The following ZBTB20 variants were observed in gnomAD, a reference collection of about 807,000 sequenced individuals.
ZBTB20 encodes the protein zinc finger and BTB domain-containing protein 20.
Under a neutral mutation model 56.9 loss-of-function variants are expected in ZBTB20, and 9 were observed. That is an observed-to-expected ratio of 0.16 (90% CI 0.10 to 0.28). ZBTB20 has a LOEUF of 0.28. ZBTB20 is among the 10% of genes least tolerant of loss of function. The pLI is 1.00. For missense variants in ZBTB20, 655 were observed against 1,003.0 expected, an observed-to-expected ratio of 0.65 and a Z score of 4.69; for synonymous variants, 417 against 420.7, an observed-to-expected ratio of 0.99 and a Z score of 0.11.
At chr3:114,443,853 G>C (rs898720388) in intron 7 of ZBTB20, among the ~76,000 whole-genome samples, 8 of 152,178 alleles carry the variant, frequency 5.3e-5, no homozygotes, top group African/African-American at 1.9e-4. Context: ...TCTCTTTACA[G>C]ACGTGGAACG....
chr3:114,370,286 A>G (rs1249290826), intron 10 of ZBTB20, among the ~76,000 whole-genome samples: 3 of 152,182 alleles, frequency 2.0e-5, no homozygotes, highest in Admixed American at 2.0e-4. Flanking sequence ...TTCTTTTTAA[A>G]ACATTAAACT....
Position 114,372,542 on chromosome 3 carries a change from T to C in ZBTB20, c.199+7675A>G, listed in dbSNP as rs549205365. Among the ~76,000 whole-genome samples, 15 of 152,298 alleles carry C rather than the reference T, an allele frequency of 9.8e-5. No individual in the cohort carries two copies. The South Asian group carries it at 3.1e-3, about 32-fold the overall frequency. The stretch of plus-strand genomic sequence containing the variant: ...ATGAACTTTTCTCAACAATTAGTTA[T>C]TCTGAGCCAGGTGTGGTGGCTCATG... On this transcript the variant is annotated intron_variant, in intron 10 of 11. Coordinates refer to ENST00000675478, the MANE Select transcript of ZBTB20 (RefSeq NM_001348800.3).
At chr3:114,702,870 A>C (rs1056559971) in intron 5 of ZBTB20, among the ~76,000 whole-genome samples, 1 of 152,190 alleles carries the variant, frequency 6.6e-6, no homozygotes, top group African/African-American at 2.4e-5. Flanking sequence ...TGTAGTCTGA[A>C]ACACTGTAGA....
intron 5 of ZBTB20, among the ~76,000 whole-genome samples, chr3:114,772,385 G>T (rs1037560254): frequency 1.8e-4 from 27 of 151,914 alleles, no homozygotes; most frequent in Non-Finnish European, 3.2e-4. Context: ...TCTCATTTCT[G>T]ATTCACTTGA....
intron 2 of ZBTB20, among the ~76,000 whole-genome samples, chr3:114,999,819 T>G (rs899634509): frequency 6.6e-6 from 1 of 151,670 alleles, no homozygotes; most frequent in Admixed American, 6.6e-5. Context: ...AGCCAAATAT[T>G]TGGAGATATT....
chr3:115,133,212 A>T (rs1235091477), intron 1 of ZBTB20, among the ~76,000 whole-genome samples: 1 of 152,136 alleles, frequency 6.6e-6, no homozygotes, highest in Non-Finnish European at 1.5e-5. Context: ...TCTTAGGTCA[A>T]TTTTTATCAT....
chr3:115,130,152 C>A (rs2084462613), intron 1 of ZBTB20, among the ~76,000 whole-genome samples: 1 of 152,080 alleles, frequency 6.6e-6, no homozygotes, highest in Non-Finnish European at 1.5e-5. Context: ...TCCTGAGATA[C>A]AAAAGTCAAG....
intron 7 of ZBTB20, among the ~76,000 whole-genome samples, chr3:114,475,108 T>C (rs971579928): frequency 2.6e-5 from 4 of 152,216 alleles, no homozygotes; most frequent in African/African-American, 2.4e-5. Flanking sequence ...CCACTACTTA[T>C]CTTCACACAT....
chr3:114,359,102 T>C (rs530496128), intron 10 of ZBTB20, among the ~76,000 whole-genome samples: 2 of 152,262 alleles, frequency 1.3e-5, no homozygotes, highest in East Asian at 1.9e-4. Context: ...TGTAGTTATA[T>C]AGAAATACAT....
At chr3:114,706,591 A>G (rs1007400511) in intron 5 of ZBTB20, among the ~76,000 whole-genome samples, 1 of 152,170 alleles carries the variant, frequency 6.6e-6, no homozygotes, top group Non-Finnish European at 1.5e-5. Flanking sequence ...CATCCTCCAA[A>G]TCAGTAATAA....
chr3:115,097,528 A>T (rs1181438477), intron 1 of ZBTB20, among the ~76,000 whole-genome samples: 2 of 152,110 alleles, frequency 1.3e-5, no homozygotes, highest in African/African-American at 2.4e-5. Flanking sequence ...ACACACGTTA[A>T]AAAGCACACA....
intron 6 of ZBTB20, among the ~76,000 whole-genome samples, chr3:114,512,414 G>T (rs1261223607): frequency 1.3e-5 from 2 of 152,004 alleles, no homozygotes; most frequent in African/African-American, 4.8e-5. Context: ...TGCCCTCAAG[G>T]ACCTTCCACT....
chr3:114,901,672 A>G (rs1192783626), intron 3 of ZBTB20, among the ~76,000 whole-genome samples: 2 of 152,174 alleles, frequency 1.3e-5, no homozygotes, highest in Admixed American at 6.5e-5. Flanking sequence ...GCACATCTAT[A>G]TAAAGGAATA....
At chr3:114,422,477 A>C (rs1217927047) in intron 7 of ZBTB20, among the ~76,000 whole-genome samples, 1 of 152,198 alleles carries the variant, frequency 6.6e-6, no homozygotes, top group Non-Finnish European at 1.5e-5. Context: ...AATTCAGCTG[A>C]TAAGATTGTA....
chr3:114,536,504 G>GA (rs1491101072), intron 6 of ZBTB20, among the ~76,000 whole-genome samples: 1 of 152,206 alleles, frequency 6.6e-6, no homozygotes, highest in East Asian at 1.9e-4. Context: ...CAAACAAATG[G>GA]AAAAACATTC....
In ZBTB20 at chr3:114,397,325, A is replaced by G. The variant is rs560694852; in HGVS notation, c.-254-8220T>C. Among the ~76,000 whole-genome samples, 3 of 116,622 alleles carry G rather than the reference A, an allele frequency of 2.6e-5. No individual in the cohort carries two copies. In the South Asian group the frequency reaches 7.8e-4, roughly 30 times the overall value. 76.5% of individuals were successfully genotyped at this position (116,622 alleles called of 152,430 possible). ...CATTCTCTTTTTCAGTTGATGAGCT[A>G]GCATCCTAGTTTAATAAAAGGATCT... On this transcript the variant is annotated intron_variant, in intron 7 of 11. Coordinates refer to ENST00000675478, the MANE Select transcript of ZBTB20 (RefSeq NM_001348800.3).
At chr3:114,533,153 C>G (rs1035197582) in intron 6 of ZBTB20, among the ~76,000 whole-genome samples, 1 of 152,068 alleles carries the variant, frequency 6.6e-6, no homozygotes, top group Non-Finnish European at 1.5e-5. Context: ...GAGGAATTGA[C>G]AGAAGTAGGC....
chr3:115,036,819 A>C lies in ZBTB20; in HGVS notation c.-507+34400T>G, dbSNP rs189985479. Among the ~76,000 whole-genome samples the C allele has an allele frequency of 4.1e-3, 622 of 152,162 alleles. 4 individuals carry two copies. The highest frequency in any genetic ancestry group is 0.014 in the African/African-American group (590 of 41,506). On this transcript the variant is annotated intron_variant, in intron 2 of 11. Transcript: ENST00000675478. ...AAGAGATAGCATTAACCTTTTTTCTAATTTGGCCCTGAGACTGAAAAATAT... is the reference window on the plus strand; with the variant it reads ...AAGAGATAGCATTAACCTTTTTTCTCATTTGGCCCTGAGACTGAAAAATAT...
chr3:114,763,549 A>T (rs1408376475), intron 5 of ZBTB20, among the ~76,000 whole-genome samples: 1 of 152,216 alleles, frequency 6.6e-6, no homozygotes, highest in Non-Finnish European at 1.5e-5. Flanking sequence ...TTAAATTGTT[A>T]GAATGACACT....
Sources: gnomAD v4.1 joint callset for allele counts (sites outside exome capture counted in the v4.1 genomes callset) on GRCh38, gnomAD v4.1.1 for gene constraint, MANE v1.5 for transcripts, NCBI Gene and HGNC (gene_info 2026-07-23, HGNC 2026-07-21) for gene names.